Variants in GLS observed in about 807,000 individuals in gnomAD.
The protein encoded by GLS is glutaminase kidney isoform, mitochondrial.
Under a neutral mutation model 86.7 loss-of-function variants are expected in GLS, and 36 were observed. The ratio of observed to expected loss-of-function variants is 0.42; its 90% confidence interval spans 0.32 to 0.55. GLS has a LOEUF of 0.55. GLS is among the 20% of genes least tolerant of loss of function. The pLI is 0.17. For synonymous variants in GLS, 317 were observed against 305.9 expected (o/e 1.04, Z -0.38); for missense variants, 528 against 833.4 (o/e 0.63, Z 4.51).
rs763708443 is a variant in GLS at position 190,921,098 on chromosome 2, A to G, written c.1071+42A>G. ...ATTCAGTTTTCATGCCACATTCTCT[A>G]TATATTTGTTTTTTGATTACTAATA... On this transcript the variant is annotated intron_variant, in intron 8 of 17. Coordinates refer to ENST00000320717, the MANE Select transcript of GLS (RefSeq NM_014905.5). The surrounding 1 kb of genome is among the most constrained non-coding windows in gnomAD (Gnocchi z 4.2). The G allele has an allele frequency of 1.8e-5, 28 of 1,576,122 alleles. No individual in the cohort carries two copies. In the East Asian group the frequency reaches 5.2e-4, roughly 29 times the overall value.
chr2:190,910,205 T>C, intron 6 of GLS, 58 bp from the exon 7 acceptor site: 1 of 1,024,192 alleles, frequency 9.8e-7, no homozygotes, highest in Non-Finnish European at 1.5e-6. Flanking sequence ...TTTAGTATAG[T>C]AATATTACTC....
chr2:190,953,471 G>T lies in GLS; in HGVS notation c.1651-94G>T. On this transcript the variant is annotated intron_variant, in intron 14 of 17. Transcript: ENST00000320717. The surrounding 1 kb of genome is among the most constrained non-coding windows in gnomAD (Gnocchi z 4.0). Reference sequence around the variant, plus strand: ...TTTTTGCACGTGACTCAGCTGAAGTGTTCAAAGCACATGGAAATCACTTGC... The same window carrying T: ...TTTTTGCACGTGACTCAGCTGAAGTTTTCAAAGCACATGGAAATCACTTGC... 1.1e-6 allele frequency: 1 copy of T among 873,148 alleles called. No individual in the cohort carries two copies. The highest frequency in any genetic ancestry group is 2.0e-6 in the Non-Finnish European group (1 of 512,602). The allele number at this position is 873,148 out of a possible 1,614,324, so 54.1% of individuals were successfully genotyped here. A position where few individuals can be genotyped will look rare whatever the true frequency, so the allele number is the denominator to read the frequency against.
intron 14 of GLS, among the ~76,000 whole-genome samples, chr2:190,950,781 G>A (rs1690699733): frequency 6.6e-6 from 1 of 152,240 alleles, no homozygotes; most frequent in Non-Finnish European, 1.5e-5. Context: ...TGTGGCCTGA[G>A]CAAGTGGGTG....
At chr2:190,904,373 G>T (rs1157998987) in intron 5 of GLS, among the ~76,000 whole-genome samples, 1 of 152,110 alleles carries the variant, frequency 6.6e-6, no homozygotes, top group Non-Finnish European at 1.5e-5. Context: ...GGAGGAGCAT[G>T]CTCTTACTCT....
At chr2:190,933,238 C>A in intron 14 of GLS, 1 of 878,338 alleles carries the variant, frequency 1.1e-6, no homozygotes, top group Non-Finnish European at 1.4e-6. Context: ...AGTTTTGTTG[C>A]ATTTTGTTTT....
intron 14 of GLS, among the ~76,000 whole-genome samples, chr2:190,939,830 GTTGTT>G (rs1205373387): frequency 2.0e-5 from 3 of 151,542 alleles, no homozygotes. Flanking sequence ...CCCAAGTTCT[GTTGTT>G]TTGTTCTTTC....
At position 190,957,930 on chromosome 2, in the gene GLS, T is replaced by C. The variant is rs1161486969; in HGVS notation, c.1853+3112T>C. Among the ~76,000 whole-genome samples, 8 of 152,276 alleles carry C rather than the reference T, an allele frequency of 5.3e-5. No individual in the cohort carries two copies. The East Asian group carries it at 1.2e-3, about 22-fold the overall frequency. Reference sequence around the variant, plus strand: ...GATGATGCTGGCCTCATAAAATGAGTTAGGGAGGATTCCTTCTTTTTCTAT... The same window carrying C: ...GATGATGCTGGCCTCATAAAATGAGCTAGGGAGGATTCCTTCTTTTTCTAT... On this transcript the variant is annotated intron_variant, in intron 17 of 17. Coordinates refer to ENST00000320717, the MANE Select transcript of GLS (RefSeq NM_014905.5).
At chr2:190,900,301 C>T (rs917294240) in intron 3 of GLS, among the ~76,000 whole-genome samples, 5 of 152,088 alleles carry the variant, frequency 3.3e-5, no homozygotes, top group African/African-American at 1.2e-4. Flanking sequence ...AATACTTAAA[C>T]CTGGTGGAAC....
intron 1 of GLS, among the ~76,000 whole-genome samples, chr2:190,892,712 G>A (rs1345808547): frequency 6.6e-6 from 1 of 152,134 alleles, no homozygotes; most frequent in African/African-American, 2.4e-5. Context: ...CTGTTGAAGC[G>A]AATTCATTCT....
At chr2:190,927,281 G>T in intron 11 of GLS, 25 bp from the exon 12 acceptor site, 2 of 1,558,406 alleles carry the variant, frequency 1.3e-6, no homozygotes, top group Non-Finnish European at 1.7e-6. Flanking sequence ...AGTAGTATGA[G>T]AATTCTGCTT....
In GLS at chr2:190,953,521, G is replaced by C. The variant is rs201052372; in HGVS notation, c.1651-44G>C. On this transcript the variant is annotated intron_variant, in intron 14 of 17. Coordinates refer to ENST00000320717, the MANE Select transcript of GLS (RefSeq NM_014905.5). The surrounding 1 kb of genome is among the most constrained non-coding windows in gnomAD (Gnocchi z 4.0). ...CCAGTGACAGGTGGACGTTGTATGTGTTTTCTCTCTCCTAAGGATGCCTAA... is the reference window on the plus strand; with the variant it reads ...CCAGTGACAGGTGGACGTTGTATGTCTTTTCTCTCTCCTAAGGATGCCTAA... The C allele has an allele frequency of 3.0e-6, 4 of 1,324,422 alleles. No individual in the cohort carries two copies. The highest frequency in any genetic ancestry group is 3.4e-5 in the Admixed American group (2 of 59,302). The allele number at this position is 1,324,422 out of a possible 1,614,324, so 82.0% of individuals were successfully genotyped here. A position where few individuals can be genotyped will look rare whatever the true frequency, so the allele number is the denominator to read the frequency against.
chr2:190,953,134 G>T lies in GLS; in HGVS notation c.1651-431G>T, dbSNP rs1234534799. On this transcript the variant is annotated intron_variant, in intron 14 of 17. Transcript: ENST00000320717. The surrounding 1 kb of genome is among the most constrained non-coding windows in gnomAD (Gnocchi z 4.0). ...TGCAAAGAAGCCAGTGATTGGTGAG[G>T]ATAGTGATTCTTGGCAGGGATTAGA... 6.6e-6 allele frequency among the ~76,000 whole-genome samples: 1 copy of T among 152,198 alleles called. No homozygotes were observed. Among genetic ancestry groups the T allele is most frequent in the Non-Finnish European group, 1.5e-5 (1 of 68,036 alleles).
chr2:190,900,054 A>C (rs1432422536), intron 3 of GLS, among the ~76,000 whole-genome samples: 1 of 152,144 alleles, frequency 6.6e-6, no homozygotes, highest in Non-Finnish European at 1.5e-5. Flanking sequence ...TTAAGACATA[A>C]ATTAATCTGA....
intron 14 of GLS, chr2:190,933,653 A>G (rs947359851): frequency 3.1e-6 from 3 of 956,360 alleles, no homozygotes; most frequent in Non-Finnish European, 3.7e-6. Context: ...AGTGTCTTCA[A>G]GTGAATTGTT....
intron 1 of GLS, among the ~76,000 whole-genome samples, chr2:190,884,733 C>A (rs1688317165): frequency 6.6e-6 from 1 of 152,074 alleles, no homozygotes; most frequent in African/African-American, 2.4e-5. Context: ...TGGAAAAATA[C>A]CAGCATATGT....
At chr2:190,912,439 A>G (rs1689396539) in intron 7 of GLS, among the ~76,000 whole-genome samples, 1 of 150,754 alleles carries the variant, frequency 6.6e-6, no homozygotes, top group Admixed American at 6.6e-5. Flanking sequence ...CAGAATATGT[A>G]ATATTTTTCT....
intron 7 of GLS, among the ~76,000 whole-genome samples, chr2:190,916,047 A>G (rs930270225): frequency 1.3e-5 from 2 of 152,228 alleles, no homozygotes; most frequent in African/African-American, 4.8e-5. Flanking sequence ...ATTATAAGCA[A>G]TTCACACCTC....
chr2:190,901,433 G>A (rs1028788353), intron 4 of GLS, among the ~76,000 whole-genome samples: 5 of 151,624 alleles, frequency 3.3e-5, no homozygotes, highest in Admixed American at 1.3e-4. Flanking sequence ...GGAGGGATTG[G>A]TCTTGTGTCT....
At chr2:190,928,199 A>G (rs1689962626) in intron 12 of GLS, among the ~76,000 whole-genome samples, 1 of 152,104 alleles carries the variant, frequency 6.6e-6, no homozygotes, top group South Asian at 2.1e-4. Context: ...AAACATAACA[A>G]TAATACAGTT....
Sources: allele counts gnomAD v4.1 joint callset (sites outside exome capture counted in the v4.1 genomes callset), GRCh38; gene constraint gnomAD v4.1.1; non-coding constraint Gnocchi (gnomAD v3.1); transcripts MANE v1.5; gene names NCBI Gene and HGNC (gene_info 2026-07-23, HGNC 2026-07-21).